MGAM: variants seen among roughly 807,000 people sequenced by gnomAD.
The protein encoded by MGAM is alpha-1,4-glucosidase.
Under a neutral mutation model 358.8 loss-of-function variants are expected in MGAM, and 253 were observed. The observed-to-expected ratio is 0.71, with a 90% confidence interval of 0.64 to 0.78. MGAM has a LOEUF of 0.78. Ranked by LOEUF, MGAM falls within the 30% of genes least tolerant of loss-of-function variation. The probability of loss-of-function intolerance (pLI) is 0.00; values close to 1 mark genes in which losing one functional copy is unlikely to be tolerated. For synonymous variants in MGAM, 1,105 were observed against 1,227.1 expected (o/e 0.90, Z 2.08); for missense variants, 3,080 against 3,432.6 (o/e 0.90, Z 2.57).
At chr7:142,068,326 C>G (rs1813029563) in intron 42 of MGAM, among the ~76,000 whole-genome samples, 1 of 143,366 alleles carries the variant, frequency 7.0e-6, no homozygotes, top group Non-Finnish European at 1.6e-5. Context: ...ACAAAATTTT[C>G]TTCTGCCCCA....
chr7:142,026,752 A>G (rs1807010874), intron 8 of MGAM, among the ~76,000 whole-genome samples: 1 of 152,190 alleles, frequency 6.6e-6, no homozygotes, highest in Admixed American at 6.5e-5. Context: ...ATTTTAGCAC[A>G]TCAGGGATTT....
chr7:142,016,982 C>G, intron 3 of MGAM, among the ~76,000 whole-genome samples: 1 of 152,156 alleles, frequency 6.6e-6, no homozygotes, highest in African/African-American at 2.4e-5. Context: ...TTTAGTTGGA[C>G]TTACTTCTTT....
intron 57 of MGAM, among the ~76,000 whole-genome samples, chr7:142,089,034 A>ATC (rs1815121761): frequency 7.2e-6 from 1 of 139,284 alleles, no homozygotes; most frequent in Admixed American, 7.3e-5. Context: ...CTATCTATCT[A>ATC]TACTGTTCAA....
In MGAM at chr7:142,080,348, G is replaced by A. The variant is rs1814146089; in HGVS notation, c.5848-443G>A. On this transcript the variant is annotated intron_variant, in intron 49 of 70. Transcript: ENST00000475668. ...TTGTGCAGTGTCAGGCAGGGATGTA[G>A]TAGGTACTCATGAATCAGTTTAGAT... Among the ~76,000 whole-genome samples the A allele has an allele frequency of 1.4e-5, 2 of 146,416 alleles. 1 individual carries two copies. Among genetic ancestry groups the A allele is most frequent in the Admixed American group, 1.4e-4 (2 of 14,502 alleles).
At chr7:141,989,637 C>G (rs1173220733) in intron 2 of MGAM, among the ~76,000 whole-genome samples, 1 of 151,586 alleles carries the variant, frequency 6.6e-6, no homozygotes, top group African/African-American at 2.4e-5. Flanking sequence ...CTCCCTGCAG[C>G]CTCAAACTCC....
At chr7:142,053,114 A>G in intron 26 of MGAM, 130 bp downstream of exon 26, 7 of 1,079,334 alleles carry the variant, frequency 6.5e-6, no homozygotes, top group Non-Finnish European at 9.3e-6. Flanking sequence ...TCCAGAGAGC[A>G]TTGAGAAATC....
intron 31 of MGAM, 105 bp from the exon 32 acceptor site, chr7:142,059,367 A>T (rs1811868834): frequency 6.6e-7 from 1 of 1,504,414 alleles, no homozygotes; most frequent in Non-Finnish European, 8.9e-7. Context: ...GAATGCATCA[A>T]CAAGAAGCTG....
In MGAM at chr7:142,045,287, GA is replaced by G. The variant is rs1810033868; in HGVS notation, c.2499-2497del. Among the ~76,000 whole-genome samples the G allele has an allele frequency of 7.2e-5, 6 of 83,564 alleles. No homozygotes were observed. In the South Asian group the frequency reaches 2.1e-3, roughly 29 times the overall value. The allele number at this position is 83,564 out of a possible 152,430, so 54.8% of individuals were successfully genotyped here. On this transcript the variant is annotated intron_variant, in intron 21 of 70. Coordinates refer to ENST00000475668, the MANE Select transcript of MGAM (RefSeq NM_001365693.1). ...TATATTATATATACCTATAATATAT[GA>G]TATATAATATATATTATATGTACCT...
chr7:142,016,666 C>T (rs1302128556), intron 3 of MGAM, among the ~76,000 whole-genome samples: 7 of 152,290 alleles, frequency 4.6e-5, no homozygotes, highest in Non-Finnish European at 7.3e-5. Flanking sequence ...AATCTCGGCT[C>T]GCTGCAACCT....
At chr7:142,045,063 T>C (rs1809881168) in intron 21 of MGAM, among the ~76,000 whole-genome samples, 1 of 99,800 alleles carries the variant, frequency 1.0e-5, no homozygotes, top group African/African-American at 3.8e-5. Context: ...ATATGTATAT[T>C]ATATATACGT....
chr7:142,022,504 G>A (rs1371441946), intron 7 of MGAM, 65 bp downstream of exon 7: 2 of 1,506,730 alleles, frequency 1.3e-6, no homozygotes, highest in Non-Finnish European at 1.8e-6. Context: ...GTCACCTCTA[G>A]TATTACAGTG....
At chr7:142,045,744 T>A (rs868422008) in intron 21 of MGAM, among the ~76,000 whole-genome samples, 7 of 64,450 alleles carry the variant, frequency 1.1e-4, no homozygotes, top group South Asian at 4.0e-4. Context: ...TATGAATATA[T>A]AATATATATC....
rs1434022711 is a variant in MGAM, at chr7:142,088,773, CT to C, written c.6810+2057del. Among the ~76,000 whole-genome samples the C allele has an allele frequency of 5.9e-4, 79 of 133,454 alleles. 8 individuals are homozygous for C. The East Asian group carries it at 0.014, about 23-fold the overall frequency. 87.6% of individuals were successfully genotyped at this position (133,454 alleles called of 152,430 possible). On this transcript the variant is annotated intron_variant, in intron 57 of 70. Coordinates refer to ENST00000475668, the MANE Select transcript of MGAM (RefSeq NM_001365693.1). ...TCTATCTATCTATCTATCTATCTATCTATCTATCTATCTATCTATCTATCTA... is the reference window on the plus strand; with the variant it reads ...TCTATCTATCTATCTATCTATCTATCATCTATCTATCTATCTATCTATCTA...
intron 45 of MGAM, among the ~76,000 whole-genome samples, chr7:142,075,594 A>G (rs1813670311): frequency 6.8e-6 from 1 of 146,588 alleles, no homozygotes; most frequent in Non-Finnish European, 1.5e-5. Context: ...GTAGCAAAAG[A>G]TCAAATGACC....
chr7:142,001,892 T>C (rs900080356), intron 1 of MGAM, among the ~76,000 whole-genome samples: 22 of 152,224 alleles, frequency 1.4e-4, no homozygotes, highest in Non-Finnish European at 3.1e-4. Context: ...TGACTTAGAA[T>C]ATTTTTATTT....
chr7:142,019,063 A>G (rs1479666287), intron 3 of MGAM, 136 bp from the exon 4 acceptor site: 1 of 1,157,140 alleles, frequency 8.6e-7, no homozygotes, highest in Non-Finnish European at 1.2e-6. Context: ...ATATGGCACA[A>G]TTTATCTAAA....
upstream of MGAM, among the ~76,000 whole-genome samples, chr7:141,994,171 T>C (rs1429376302): frequency 1.3e-5 from 2 of 152,176 alleles, no homozygotes; most frequent in Non-Finnish European, 2.9e-5. Flanking sequence ...CCACTGCACC[T>C]GGCCTAAGAA....
intron 42 of MGAM, 51 bp from the exon 43 acceptor site, chr7:142,068,596 C>A: frequency 1.5e-6 from 2 of 1,351,228 alleles, no homozygotes; most frequent in Non-Finnish European, 2.1e-6. Flanking sequence ...TTTGGTTACT[C>A]TGTCCTGGAA....
chr7:142,103,325 G>A lies in MGAM; in HGVS notation c.8070G>A (p.Leu2690=). ...ATTACATCACTGGTACAAATCCTTT[G>A]AAACTGGGCTACATTGAAATCTGGG... is the stretch of plus-strand genomic sequence containing the variant. ...FNNYITGTNP[L]KLGYIEIWGV... The change falls in exon 70 of 71, where the codon TTG becomes TTA. Residue 2690 remains leucine, a synonymous_variant. Transcript: ENST00000475668. 2 of 1,612,936 alleles carry A rather than the reference G, an allele frequency of 1.2e-6. No homozygotes were observed. Among genetic ancestry groups the A allele is most frequent in the South Asian group, 2.2e-5 (2 of 90,860 alleles).
Sources: gnomAD v4.1 joint callset for allele counts (sites outside exome capture counted in the v4.1 genomes callset) on GRCh38, gnomAD v4.1.1 for gene constraint, MANE v1.5 for transcripts, NCBI Gene and HGNC (gene_info 2026-07-23, HGNC 2026-07-21) for gene names.